TNIP1: variants seen among roughly 807,000 people sequenced by gnomAD.
TNIP1 encodes the protein TNFAIP3 interacting protein 1.
Under a neutral mutation model 86.6 loss-of-function variants are expected in TNIP1, and 22 were observed. The observed-to-expected ratio is 0.25, with a 90% CI of 0.18 to 0.36. TNIP1 has a LOEUF of 0.36. Ranked by LOEUF, TNIP1 falls within the 10% of genes least tolerant of loss-of-function variation. The pLI is 1.00. For synonymous variants in TNIP1, 294 were observed against 313.0 expected (o/e 0.94, Z 0.64); for missense variants, 709 against 820.6 (o/e 0.86, Z 1.66).
At chr5:151,031,686 C>G (rs1200914885) in intron 17 of TNIP1, among the ~76,000 whole-genome samples, 1 of 152,088 alleles carries the variant, frequency 6.6e-6, no homozygotes, top group Non-Finnish European at 1.5e-5. Context: ...CCTGCGTTGC[C>G]CCTCTCTTTC....
intron 8 of TNIP1, among the ~76,000 whole-genome samples, chr5:151,049,474 T>C (rs1759614862): frequency 6.6e-6 from 1 of 152,140 alleles, no homozygotes; most frequent in African/African-American, 2.4e-5. Context: ...TAAACTGACT[T>C]TTGGGAACCA....
At chr5:151,064,853 C>G (rs1474918085) in intron 2 of TNIP1, 107 bp downstream of exon 2, 1 of 1,526,490 alleles carries the variant, frequency 6.6e-7, no homozygotes, top group Non-Finnish European at 9.0e-7. Flanking sequence ...CAGGGGATGA[C>G]TTGGGCAGAG....
chr5:151,034,894 T>C, intron 15 of TNIP1, 108 bp downstream of exon 15: 1 of 1,211,412 alleles, frequency 8.3e-7, no homozygotes. Context: ...ATCAGTTAGT[T>C]AGCAGAGGAT....
At chr5:151,033,127 CAAAAAA>C (rs11375507) in intron 16 of TNIP1, among the ~76,000 whole-genome samples, 1 of 78,762 alleles carries the variant, frequency 1.3e-5, no homozygotes, top group Non-Finnish European at 2.2e-5. Context: ...AATTCCATCT[CAAAAAA>C]AAAAAAAAAA....
chr5:151,085,701 G>A (rs561806919), upstream of TNIP1, among the ~76,000 whole-genome samples: 14 of 151,662 alleles, frequency 9.2e-5, no homozygotes, highest in South Asian at 2.3e-3. Flanking sequence ...TCTCCCCCTG[G>A]CCTCTCCGTC....
chr5:151,035,785 C>A, intron 13 of TNIP1, 78 bp from the exon 14 acceptor site: 1 of 1,572,156 alleles, frequency 6.4e-7, no homozygotes, highest in South Asian at 1.1e-5. Flanking sequence ...GACTCCCATG[C>A]CTCCTGCTGG....
At chr5:151,086,074 AGAGGGCCGTTTG>A (rs1764267030) in intron 1 of TNIP1, among the ~76,000 whole-genome samples, 1 of 152,066 alleles carries the variant, frequency 6.6e-6, no homozygotes, top group Non-Finnish European at 1.5e-5. Flanking sequence ...GAGGGGATGA[AGAGGGCCGTTTG>A]GATGAACTGG....
intron 4 of TNIP1, 73 bp downstream of exon 4, chr5:151,062,054 T>C: frequency 1.5e-6 from 2 of 1,369,758 alleles, no homozygotes; most frequent in Non-Finnish European, 1.0e-6. Context: ...TCTTTCTTCA[T>C]GTTCTTGTAT....
chr5:151,067,088 G>A (rs1177325807), intron 1 of TNIP1, among the ~76,000 whole-genome samples: 5 of 152,184 alleles, frequency 3.3e-5, no homozygotes, highest in Non-Finnish European at 2.9e-5. Flanking sequence ...CTGAGCCTGC[G>A]AGGCAAAGGA....
intron 11 of TNIP1, 102 bp downstream of exon 11, chr5:151,042,438 C>G: frequency 6.6e-7 from 1 of 1,509,770 alleles, no homozygotes; most frequent in Non-Finnish European, 8.9e-7. Flanking sequence ...TCGCACTAGA[C>G]CCCCGGGTCT....
chr5:151,076,347 G>A (rs1340487159), intron 1 of TNIP1, among the ~76,000 whole-genome samples: 1 of 152,128 alleles, frequency 6.6e-6, no homozygotes, highest in East Asian at 1.9e-4. Context: ...GGCATGTGGG[G>A]GCATAGCAGC....
intron 1 of TNIP1, among the ~76,000 whole-genome samples, chr5:151,077,133 C>T (rs1325254191): frequency 6.6e-6 from 1 of 152,116 alleles, no homozygotes; most frequent in Non-Finnish European, 1.5e-5. Context: ...AGGGTCATGC[C>T]AAGGTGGAAG....
intron 1 of TNIP1, among the ~76,000 whole-genome samples, chr5:151,073,596 G>GTGTGTGTGTGTGTA (rs1763061825): frequency 1.3e-5 from 2 of 152,052 alleles, no homozygotes; most frequent in Non-Finnish European, 2.9e-5. Context: ...GTGTGTGTGT[G>GTGTGTGTGTGTGTA]TATACATACG....
chr5:151,059,874 CGCGCGCGCAT>C (rs1761308321), intron 5 of TNIP1, among the ~76,000 whole-genome samples: 1 of 85,760 alleles, frequency 1.2e-5, no homozygotes, highest in Non-Finnish European at 2.2e-5. Context: ...TGTGCGCGCG[CGCGCGCGCAT>C]GCGTGTAAGT....
intron 1 of TNIP1, among the ~76,000 whole-genome samples, chr5:151,068,275 C>T (rs1039425220): frequency 1.3e-5 from 2 of 152,170 alleles, no homozygotes. Context: ...AGATGGTCAG[C>T]GGCAGTCCCT....
chr5:151,030,472 G>T lies in TNIP1; in HGVS notation c.*241C>A. On this transcript the variant is annotated 3_prime_UTR_variant, in exon 18 of 18. Transcript: ENST00000521591. ...GGATGAGGCCTCTCTCCACTCAGCA[G>T]CAGGGAAGGAGTTTTTCCCAGTCAC... 1 of 599,154 alleles carries T rather than the reference G, an allele frequency of 1.7e-6. No individual in the cohort carries two copies. The highest frequency in any genetic ancestry group is 2.9e-6 in the Non-Finnish European group (1 of 344,156). The allele number at this position is 599,154 out of a possible 1,614,324, so 37.1% of individuals were successfully genotyped here.
At chr5:151,043,738 G>A (rs1042909921) in intron 9 of TNIP1, among the ~76,000 whole-genome samples, 2 of 151,352 alleles carry the variant, frequency 1.3e-5, no homozygotes, top group Non-Finnish European at 2.9e-5. Flanking sequence ...TCATGGCACT[G>A]CACTCTAGCC....
intron 14 of TNIP1, 103 bp downstream of exon 14, chr5:151,035,479 C>G: frequency 1.3e-6 from 2 of 1,525,180 alleles, no homozygotes; most frequent in Non-Finnish European, 1.8e-6. Flanking sequence ...TGGAGAGAAG[C>G]AGTGAGGGTC....
intron 6 of TNIP1, among the ~76,000 whole-genome samples, chr5:151,053,604 G>A (rs753218816): frequency 6.6e-6 from 1 of 152,200 alleles, no homozygotes; most frequent in Non-Finnish European, 1.5e-5. Flanking sequence ...GGAAGGGAAG[G>A]TGCTGACTAG....
Sources: allele counts gnomAD v4.1 joint callset (sites outside exome capture counted in the v4.1 genomes callset), GRCh38; gene constraint gnomAD v4.1.1; transcripts MANE v1.5; gene names NCBI Gene and HGNC (gene_info 2026-07-23, HGNC 2026-07-21).